The following TNS3 variants were observed in gnomAD, a reference collection of about 807,000 sequenced individuals.
TNS3 encodes the protein tensin 3.
Under a neutral mutation model 140.9 loss-of-function variants are expected in TNS3, and 45 were observed. The observed-to-expected ratio is 0.32, with a 90% CI of 0.25 to 0.41. TNS3 has a LOEUF of 0.41. Among genes scored for constraint, TNS3 ranks in the 10% least tolerant of loss-of-function variants. TNS3 has a pLI of 1.00. For missense variants in TNS3, 1,716 were observed against 1,906.7 expected, an observed-to-expected ratio of 0.90 and a Z score of 1.86; for synonymous variants, 815 against 788.4, an observed-to-expected ratio of 1.03 and a Z score of -0.56.
intron 20 of TNS3, among the ~76,000 whole-genome samples, chr7:47,343,293 C>T (rs535102539): frequency 6.6e-6 from 1 of 152,338 alleles, no homozygotes; most frequent in South Asian, 2.1e-4. Context: ...CCTGCAGCCT[C>T]CTAGACCCTT....
chr7:47,305,898 A>C (rs1405257094), intron 20 of TNS3, among the ~76,000 whole-genome samples: 2 of 152,246 alleles, frequency 1.3e-5, no homozygotes, highest in African/African-American at 2.4e-5. Context: ...GAGGATTGAT[A>C]AGAGAATATT....
intron 15 of TNS3, among the ~76,000 whole-genome samples, chr7:47,398,539 G>C (rs559451238): frequency 3.3e-5 from 5 of 152,204 alleles, no homozygotes; most frequent in Admixed American, 2.6e-4. Flanking sequence ...CAATAAATGT[G>C]ATACACCATA....
chr7:47,554,429 C>CA (rs899700857), intron 1 of TNS3, among the ~76,000 whole-genome samples: 49 of 38,186 alleles, frequency 1.3e-3, no homozygotes, highest in South Asian at 4.4e-3. Flanking sequence ...AAAAAAAAAA[C>CA]AAAAAAAAAA....
intron 1 of TNS3, among the ~76,000 whole-genome samples, chr7:47,547,064 G>A (rs1354848375): frequency 1.3e-5 from 2 of 152,206 alleles, no homozygotes; most frequent in Non-Finnish European, 2.9e-5. Flanking sequence ...TACTGGCAGG[G>A]TTCATCTGTC....
intron 23 of TNS3, among the ~76,000 whole-genome samples, chr7:47,301,031 G>A (rs1236205229): frequency 1.3e-5 from 2 of 152,162 alleles, no homozygotes; most frequent in African/African-American, 4.8e-5. Flanking sequence ...TTTCAGTGGA[G>A]AGCTGGACAG....
At chr7:47,436,352 A>G (rs1383106800) in intron 7 of TNS3, among the ~76,000 whole-genome samples, 1 of 152,228 alleles carries the variant, frequency 6.6e-6, no homozygotes, top group African/African-American at 2.4e-5. Context: ...CATATAGAAT[A>G]TACATACATA....
chr7:47,486,948 C>T (rs1797633482), intron 3 of TNS3, among the ~76,000 whole-genome samples: 1 of 152,016 alleles, frequency 6.6e-6, no homozygotes, highest in Admixed American at 6.6e-5. Context: ...TCAAAAATTC[C>T]AGTCATGGTG....
chr7:47,455,710 G>A (rs1205153946), intron 4 of TNS3, among the ~76,000 whole-genome samples: 2 of 152,220 alleles, frequency 1.3e-5, no homozygotes, highest in Non-Finnish European at 2.9e-5. Context: ...AGTGCCAGAG[G>A]TGGCGGCGAT....
At chr7:47,491,802 T>C (rs1364980479) in intron 3 of TNS3, among the ~76,000 whole-genome samples, 1 of 152,112 alleles carries the variant, frequency 6.6e-6, no homozygotes, top group Non-Finnish European at 1.5e-5. Flanking sequence ...ACCATAGGCC[T>C]GAGTGGGACG....
rs141744741 is a variant in TNS3, at chr7:47,286,034, G to A, written c.3929-2169C>T. On this transcript the variant is annotated intron_variant, in intron 27 of 30. Coordinates refer to ENST00000311160, the MANE Select transcript of TNS3 (RefSeq NM_022748.12). ...GAGGGAGCCTGGAGAATTCAAAACA[G>A]ACTTCACGAGAGGGACAGTCCGCCT... Among the ~76,000 whole-genome samples the A allele has an allele frequency of 2.0e-5, 3 of 152,308 alleles. No homozygotes were observed. In the East Asian group the frequency reaches 5.8e-4, roughly 29 times the overall value.
intron 15 of TNS3, among the ~76,000 whole-genome samples, chr7:47,399,274 G>A (rs1292018127): frequency 6.6e-6 from 1 of 151,900 alleles, no homozygotes; most frequent in Non-Finnish European, 1.5e-5. Flanking sequence ...CAGATTCAAT[G>A]CAATTCCTAT....
intron 20 of TNS3, among the ~76,000 whole-genome samples, chr7:47,307,379 A>G (rs1435384750): frequency 6.6e-6 from 1 of 152,118 alleles, no homozygotes; most frequent in East Asian, 1.9e-4. Context: ...GACATATCAC[A>G]TTTTCTCTGT....
At chr7:47,560,162 T>A (rs1026991180) in intron 1 of TNS3, among the ~76,000 whole-genome samples, 16 of 151,892 alleles carry the variant, frequency 1.1e-4, no homozygotes, top group African/African-American at 3.9e-4. Context: ...CCCAAGGTGA[T>A]GGTATGAGGA....
At chr7:47,389,019 AAG>A (rs750336070) in intron 16 of TNS3, among the ~76,000 whole-genome samples, 101 of 2,136 alleles carry the variant, frequency 0.047, 7 homozygotes, top group Non-Finnish European at 0.15. Context: ...GAAGAAGAAG[AAG>A]AAGAAGAAGA....
At chr7:47,553,513 G>A (rs927656728) in intron 1 of TNS3, among the ~76,000 whole-genome samples, 6 of 152,188 alleles carry the variant, frequency 3.9e-5, no homozygotes, top group Admixed American at 3.9e-4. Context: ...TCTATAAATA[G>A]AACAGTAAAG....
chr7:47,387,093 C>T (rs1792119514), intron 16 of TNS3, among the ~76,000 whole-genome samples: 1 of 152,232 alleles, frequency 6.6e-6, no homozygotes, highest in Non-Finnish European at 1.5e-5. Flanking sequence ...CATCAAGTAG[C>T]TTGCTTGTCA....
chr7:47,310,986 T>C (rs1226347229), intron 20 of TNS3, among the ~76,000 whole-genome samples: 1 of 149,264 alleles, frequency 6.7e-6, no homozygotes, highest in Non-Finnish European at 1.5e-5. Flanking sequence ...AAATTTGGGT[T>C]GGTTCCAAGT....
chr7:47,390,906 C>T (rs1792474564), intron 16 of TNS3, among the ~76,000 whole-genome samples: 1 of 152,202 alleles, frequency 6.6e-6, no homozygotes, highest in African/African-American at 2.4e-5. Flanking sequence ...CCTCTCCAGA[C>T]TCTGCCTCCC....
intron 23 of TNS3, among the ~76,000 whole-genome samples, chr7:47,297,946 C>T (rs1447504619): frequency 6.6e-6 from 1 of 151,972 alleles, no homozygotes; most frequent in Admixed American, 6.6e-5. Context: ...GCCACCACGT[C>T]TGGCTAATTT....
Sources: gnomAD v4.1 joint callset for allele counts (sites outside exome capture counted in the v4.1 genomes callset) on GRCh38, gnomAD v4.1.1 for gene constraint, MANE v1.5 for transcripts, NCBI Gene and HGNC (gene_info 2026-07-23, HGNC 2026-07-21) for gene names.